MYO1E: variants seen among roughly 807,000 people sequenced by gnomAD.
The protein encoded by MYO1E is unconventional myosin-Ie.
Under a neutral mutation model 151.1 loss-of-function variants are expected in MYO1E, and 68 were observed. The ratio of observed to expected loss-of-function variants is 0.45; its 90% CI spans 0.37 to 0.55. The LOEUF is 0.55. MYO1E is among the 20% of genes least tolerant of loss of function. The pLI is 0.00. For synonymous variants in MYO1E, 601 were observed against 501.7 expected (o/e 1.20, Z -2.64); for missense variants, 1,363 against 1,389.3 (o/e 0.98, Z 0.30).
At chr15:59,222,485 C>A (rs2140348848) in intron 9 of MYO1E, among the ~76,000 whole-genome samples, 1 of 152,198 alleles carries the variant, frequency 6.6e-6, no homozygotes, top group East Asian at 1.9e-4. Flanking sequence ...GTTGAGGCTC[C>A]AGGTATACAG....
intron 24 of MYO1E, 44 bp downstream of exon 24, chr15:59,161,029 G>A (rs1319147751): frequency 6.2e-7 from 1 of 1,610,870 alleles, no homozygotes; most frequent in Admixed American, 1.7e-5. Context: ...GGAGACTCGG[G>A]GGAGCGGCGG....
chr15:59,315,338 C>T (rs374253525), intron 1 of MYO1E, among the ~76,000 whole-genome samples: 25 of 152,168 alleles, frequency 1.6e-4, no homozygotes, highest in East Asian at 1.4e-3. Context: ...CATCCCCATC[C>T]ACGTAAAACA....
intron 26 of MYO1E, among the ~76,000 whole-genome samples, chr15:59,146,042 C>G (rs1205954331): frequency 6.6e-6 from 1 of 151,894 alleles, no homozygotes; most frequent in African/African-American, 2.4e-5. Flanking sequence ...TTTTTAGAGA[C>G]AAGGTCTTGC....
chr15:59,230,377 C>G (rs2080020961), intron 6 of MYO1E, among the ~76,000 whole-genome samples: 1 of 151,080 alleles, frequency 6.6e-6, no homozygotes, highest in South Asian at 2.1e-4. Flanking sequence ...ATATATCCTC[C>G]AAATATAATG....
At chr15:59,311,325 C>G (rs932764169) in intron 1 of MYO1E, among the ~76,000 whole-genome samples, 2 of 152,110 alleles carry the variant, frequency 1.3e-5, no homozygotes, top group Non-Finnish European at 2.9e-5. Flanking sequence ...TCACCTAGGT[C>G]CCTCACATGC....
At chr15:59,306,844 T>A (rs1596409865) in intron 1 of MYO1E, among the ~76,000 whole-genome samples, 1 of 152,224 alleles carries the variant, frequency 6.6e-6, no homozygotes, top group Non-Finnish European at 1.5e-5. Context: ...CATGAGTTGC[T>A]CATGATGTCA....
At chr15:59,372,314 C>T (rs187380857) in intron 1 of MYO1E, among the ~76,000 whole-genome samples, 184 bp downstream of exon 1, 2 of 152,306 alleles carry the variant, frequency 1.3e-5, no homozygotes, top group Admixed American at 6.5e-5. Flanking sequence ...TGGCCCCTCG[C>T]TCGCTCTCCC....
intron 4 of MYO1E, among the ~76,000 whole-genome samples, chr15:59,249,778 C>T (rs920927628): frequency 2.0e-5 from 3 of 152,062 alleles, no homozygotes; most frequent in African/African-American, 2.4e-5. Context: ...ATGGTTTTTT[C>T]GTTTGTTTTC....
At chr15:59,140,935 T>G (rs1211136587) in intron 26 of MYO1E, among the ~76,000 whole-genome samples, 1 of 152,196 alleles carries the variant, frequency 6.6e-6, no homozygotes, top group Non-Finnish European at 1.5e-5. Flanking sequence ...TTTTGTAGGT[T>G]CTTAGTGTGA....
intron 15 of MYO1E, among the ~76,000 whole-genome samples, chr15:59,203,506 A>C (rs569069986): frequency 6.6e-6 from 1 of 151,780 alleles, no homozygotes; most frequent in East Asian, 1.9e-4. Flanking sequence ...CAGCCTCCTG[A>C]GTAGCTGGGA....
chr15:59,252,596 T>C (rs1348051773), intron 4 of MYO1E, among the ~76,000 whole-genome samples: 3 of 151,832 alleles, frequency 2.0e-5, no homozygotes, highest in Non-Finnish European at 4.4e-5. Context: ...GTGCCTGTAA[T>C]CCCAGCTACT....
intron 4 of MYO1E, among the ~76,000 whole-genome samples, chr15:59,240,746 G>A (rs2080094740): frequency 6.6e-6 from 1 of 152,180 alleles, no homozygotes; most frequent in Non-Finnish European, 1.5e-5. Context: ...GTGTTCCCTT[G>A]TAACTGGCTG....
At chr15:59,273,135 T>C (rs1566998647) in intron 1 of MYO1E, among the ~76,000 whole-genome samples, 2 of 152,196 alleles carry the variant, frequency 1.3e-5, no homozygotes, top group Non-Finnish European at 2.9e-5. Context: ...TCACGGAACA[T>C]GCCCAGGAGG....
In MYO1E at chr15:59,158,291, G is replaced by A; in HGVS notation, c.2874C>T (p.Pro958=). Residue 958 remains proline (P), a synonymous_variant, in exon 25 of 28, where the codon CCC becomes CCT. Coordinates refer to ENST00000288235, the MANE Select transcript of MYO1E (RefSeq NM_004998.4). ...TACGGTACGTAGCTGGCTTACCTGG[G>A]GGAGGAGGGGCAGCTCTCACTGGGT... ...ANYPVRAAPP[P]PGYHQNGVIR... 1 of 1,569,228 alleles carries A rather than the reference G, an allele frequency of 6.4e-7. No individual in the cohort carries two copies. Among genetic ancestry groups the A allele is most frequent in the Non-Finnish European group, 8.7e-7 (1 of 1,154,408 alleles).
At chr15:59,244,375 A>G (rs1156463733) in intron 4 of MYO1E, among the ~76,000 whole-genome samples, 2 of 152,228 alleles carry the variant, frequency 1.3e-5, no homozygotes, top group African/African-American at 2.4e-5. Flanking sequence ...CAGATCTTTT[A>G]CATTACTCTT....
chr15:59,264,054 T>C (rs774390918), intron 2 of MYO1E, among the ~76,000 whole-genome samples: 9 of 152,210 alleles, frequency 5.9e-5, no homozygotes, highest in Non-Finnish European at 1.3e-4. Context: ...CTGTCCCTTA[T>C]CCAAAATGCT....
intron 24 of MYO1E, 139 bp downstream of exon 24, chr15:59,160,934 C>G: frequency 8.3e-7 from 1 of 1,206,384 alleles, no homozygotes; most frequent in Non-Finnish European, 1.2e-6. Flanking sequence ...ATGTTCCATT[C>G]TGAAGAAAGC....
At chr15:59,138,510 A>C in intron 26 of MYO1E, 143 bp from the exon 27 acceptor site, 1 of 879,452 alleles carries the variant, frequency 1.1e-6, no homozygotes, top group Non-Finnish European at 1.8e-6. Flanking sequence ...CCCAGGGTGC[A>C]GTCTTTAAAC....
rs182750190 is a variant in MYO1E at position 59,315,732 on chromosome 15, A to T, written c.4-43283T>A. On this transcript the variant is annotated intron_variant, in intron 1 of 27. Transcript: ENST00000288235. ...TGCAATGATTAGTTAAAATGATCAC[A>T]TTAACCTCTTCCTTGAATTCTTTGC... 3.0e-3 allele frequency among the ~76,000 whole-genome samples: 463 copies of T among 152,308 alleles called. 1 individual carries two copies. Among genetic ancestry groups the T allele is most frequent in the Non-Finnish European group, 5.1e-3 (348 of 68,022 alleles).
Sources: gnomAD v4.1 joint callset for allele counts (sites outside exome capture counted in the v4.1 genomes callset) on GRCh38, gnomAD v4.1.1 for gene constraint, MANE v1.5 for transcripts, NCBI Gene and HGNC (gene_info 2026-07-23, HGNC 2026-07-21) for gene names.